The following FSTL5 variants were observed in gnomAD, a reference collection of about 807,000 sequenced individuals.
The protein encoded by FSTL5 is follistatin like 5, also known as follistatin-related protein 5.
FSTL5 carries 62 observed loss-of-function variants against 89.1 expected under a neutral mutation model. The ratio of observed to expected loss-of-function variants is 0.70; its 90% CI spans 0.57 to 0.86. The LOEUF (loss-of-function observed/expected upper bound fraction) is 0.86. Ranked by LOEUF, FSTL5 falls within the 40% of genes least tolerant of loss-of-function variation. The pLI, the probability that FSTL5 is intolerant of heterozygous loss-of-function variation, is 0.00. For missense variants in FSTL5, 1,057 were observed against 1,001.6 expected, an observed-to-expected ratio of 1.06 and a Z score of -0.75; for synonymous variants, 383 against 346.2, an observed-to-expected ratio of 1.11 and a Z score of -1.18.
At chr4:161,485,784 A>C (rs2126460990) in intron 12 of FSTL5, among the ~76,000 whole-genome samples, 1 of 152,306 alleles carries the variant, frequency 6.6e-6, no homozygotes, top group Non-Finnish European at 1.5e-5. Context: ...TTAGAAAAAA[A>C]AGAGTAAACG....
At chr4:161,864,488 T>G (rs1231721237) in intron 4 of FSTL5, among the ~76,000 whole-genome samples, 3 of 152,144 alleles carry the variant, frequency 2.0e-5, no homozygotes, top group Admixed American at 6.5e-5. Context: ...TAGATTAAAT[T>G]AAAGGCAGTT....
intron 2 of FSTL5, among the ~76,000 whole-genome samples, chr4:162,066,078 A>G (rs1578999278): frequency 6.6e-6 from 1 of 152,176 alleles, no homozygotes; most frequent in African/African-American, 2.4e-5. Flanking sequence ...GAACATTTAT[A>G]TTAATGTGAT....
intron 2 of FSTL5, among the ~76,000 whole-genome samples, chr4:162,109,370 C>T (rs1731348553): frequency 6.6e-6 from 1 of 152,068 alleles, no homozygotes; most frequent in Admixed American, 6.6e-5. Context: ...CAAACAGACA[C>T]ACACACATTC....
intron 1 of FSTL5, among the ~76,000 whole-genome samples, chr4:162,137,913 TA>T (rs1732580272): frequency 6.6e-6 from 1 of 152,002 alleles, no homozygotes; most frequent in African/African-American, 2.4e-5. Flanking sequence ...AAAGTACATT[TA>T]GGGGTAATGG....
rs117048393 is a variant in FSTL5 at position 161,664,906 on chromosome 4, A to G, written c.728-8412T>C. The G allele has an allele frequency of 5.3e-3, 1,015 of 190,190 alleles. 9 individuals are homozygous for G. The highest frequency in any genetic ancestry group is 0.033 in the South Asian group (237 of 7,204). The allele number at this position is 190,190 out of a possible 1,614,324, so 11.8% of individuals were successfully genotyped here. On this transcript the variant is annotated intron_variant, in intron 6 of 15. Coordinates refer to ENST00000306100, the MANE Select transcript of FSTL5 (RefSeq NM_020116.5). ...GCGCAAGAGAAAATGAGGAAGAAGC[A>G]AAAGCGGAAACCCCAGACAAACCCG... is the stretch of plus-strand genomic sequence containing the variant.
At chr4:162,098,627 A>C (rs1210486372) in intron 2 of FSTL5, among the ~76,000 whole-genome samples, 1 of 152,050 alleles carries the variant, frequency 6.6e-6, no homozygotes, top group Non-Finnish European at 1.5e-5. Context: ...ATTGAAAGAA[A>C]AGAACAAGGT....
At chr4:161,468,057 C>T (rs1733806442) in intron 13 of FSTL5, among the ~76,000 whole-genome samples, 1 of 152,012 alleles carries the variant, frequency 6.6e-6, no homozygotes, top group Non-Finnish European at 1.5e-5. Flanking sequence ...GAATGGCCCA[C>T]ATAATTCAGT....
At chr4:161,981,535 T>A (rs1181010567) in intron 3 of FSTL5, among the ~76,000 whole-genome samples, 2 of 152,202 alleles carry the variant, frequency 1.3e-5, no homozygotes, top group African/African-American at 4.8e-5. Flanking sequence ...GAAATTGACA[T>A]GTATATTGAC....
intron 4 of FSTL5, among the ~76,000 whole-genome samples, chr4:161,794,998 T>C (rs1214499097): frequency 6.6e-6 from 1 of 151,970 alleles, no homozygotes; most frequent in Non-Finnish European, 1.5e-5. Context: ...ATATATTTTA[T>C]TTACATATAT....
intron 4 of FSTL5, among the ~76,000 whole-genome samples, chr4:161,800,311 C>T (rs1015044140): frequency 4.0e-5 from 6 of 151,540 alleles, no homozygotes; most frequent in African/African-American, 1.5e-4. Flanking sequence ...CTAGAAAAGA[C>T]CTAGAGAAAA....
At chr4:161,495,527 A>G (rs1206171250) in intron 12 of FSTL5, 1 of 152,184 alleles carries the variant, frequency 6.6e-6, no homozygotes, top group Non-Finnish European at 1.5e-5. Flanking sequence ...CTACATAACA[A>G]GATGGAATAA....
At chr4:162,110,463 AT>A (rs1731391857) in intron 2 of FSTL5, among the ~76,000 whole-genome samples, 1 of 151,876 alleles carries the variant, frequency 6.6e-6, no homozygotes. Context: ...GGGAAAAAAA[AT>A]CTATTTGTTT....
chr4:162,038,871 A>G (rs1230261041), intron 2 of FSTL5, among the ~76,000 whole-genome samples: 1 of 151,852 alleles, frequency 6.6e-6, no homozygotes, highest in Admixed American at 6.6e-5. Context: ...CATCTCCACC[A>G]TAACAGCATT....
At position 162,039,082 on chromosome 4, in the gene FSTL5, C is replaced by T. The variant is rs189278154; in HGVS notation, c.127-5424G>A. On this transcript the variant is annotated intron_variant, in intron 2 of 15. Transcript: ENST00000306100. The stretch of plus-strand genomic sequence containing the variant: ...ACCAAGACTAATACAGACTTCCTTT[C>T]ACATGGAGAGACATAAGAGTGAAGC... Among the ~76,000 whole-genome samples the T allele has an allele frequency of 2.7e-3, 404 of 151,900 alleles. 3 individuals are homozygous for T. The highest frequency in any genetic ancestry group is 9.4e-3 in the African/African-American group (390 of 41,494).
chr4:161,829,125 G>T (rs1730759571), intron 4 of FSTL5, among the ~76,000 whole-genome samples: 1 of 122,886 alleles, frequency 8.1e-6, no homozygotes, highest in African/African-American at 3.0e-5. Flanking sequence ...AGTTAAAAGG[G>T]CTTCAGTCAC....
chr4:161,990,229 A>G (rs12511125), intron 3 of FSTL5, among the ~76,000 whole-genome samples: 14,473 of 152,090 alleles, frequency 0.095, 778 homozygotes, highest in East Asian at 0.21. Flanking sequence ...AGCAGTTTCT[A>G]TATGATTTCC....
chr4:161,613,735 A>G (rs1734739800), intron 7 of FSTL5, among the ~76,000 whole-genome samples: 1 of 152,174 alleles, frequency 6.6e-6, no homozygotes, highest in African/African-American at 2.4e-5. Flanking sequence ...GCATCTTTTA[A>G]ATTATGAATT....
At chr4:161,853,944 T>A (rs543919305) in intron 4 of FSTL5, among the ~76,000 whole-genome samples, 1 of 152,292 alleles carries the variant, frequency 6.6e-6, no homozygotes, top group African/African-American at 2.4e-5. Context: ...ACAACAAAGA[T>A]GATAATCTCT....
chr4:161,405,042 C>A (rs1478162705), intron 15 of FSTL5, among the ~76,000 whole-genome samples: 1 of 152,036 alleles, frequency 6.6e-6, no homozygotes, highest in Non-Finnish European at 1.5e-5. Flanking sequence ...ACCAACCTGA[C>A]CAACATGGTG....
Sources: allele counts gnomAD v4.1 joint callset (sites outside exome capture counted in the v4.1 genomes callset), GRCh38; gene constraint gnomAD v4.1.1; transcripts MANE v1.5; gene names NCBI Gene and HGNC (gene_info 2026-07-23, HGNC 2026-07-21).